Variants in RPS6KC1 observed in about 807,000 individuals in gnomAD.
The protein encoded by RPS6KC1 is inactive ribosomal protein S6 kinase delta-1.
Under a neutral mutation model 103.8 loss-of-function variants are expected in RPS6KC1, and 54 were observed. The observed-to-expected ratio is 0.52, with a 90% confidence interval of 0.42 to 0.65. RPS6KC1 has a LOEUF of 0.65. Among genes scored for constraint, RPS6KC1 ranks in the 30% least tolerant of loss-of-function variants. The pLI, the probability that RPS6KC1 is intolerant of heterozygous loss-of-function variation, is 0.00. For missense variants in RPS6KC1, 1,151 were observed against 1,253.8 expected (o/e 0.92, Z 1.24); for synonymous variants, 439 against 438.7 (o/e 1.00, Z -0.01).
At chr1:213,237,150 C>T (rs557299354) in intron 10 of RPS6KC1, among the ~76,000 whole-genome samples, 1 of 152,108 alleles carries the variant, frequency 6.6e-6, no homozygotes, top group South Asian at 2.1e-4. Context: ...GTACCTTGGA[C>T]GCCTTTAGTA....
rs1471478444 is a variant in RPS6KC1 at position 213,129,651 on chromosome 1, G to C, written c.597G>C (p.Ser199=). 3.1e-6 allele frequency: 5 copies of C among 1,613,824 alleles called. No individual in the cohort carries two copies. In the African/African-American group the frequency reaches 4.0e-5, roughly 13 times the overall value. ...GAACTTTTGGTCTCAATCTTTCTTC[G>C]GATTCTTCAGCACTAGGGGCTGTTG... ...PIRTFGLNLS[S]DSSALGAVAS... is the part of the protein sequence containing the mutation. Residue 199 remains serine (S), a synonymous_variant, in exon 6 of 15, where the codon TCG becomes TCC. Transcript: ENST00000366960.
intron 8 of RPS6KC1, among the ~76,000 whole-genome samples, chr1:213,220,887 A>C (rs2148778096): frequency 6.6e-6 from 1 of 152,302 alleles, no homozygotes; most frequent in Middle Eastern, 3.4e-3. Flanking sequence ...TTTTATATGA[A>C]GTATTATGGT....
chr1:213,305,156 C>G, the RPS6KC1 span, among the ~76,000 whole-genome samples: 2 of 152,138 alleles, frequency 1.3e-5, no homozygotes, highest in Non-Finnish European at 2.9e-5. Context: ...GCCATCTCAG[C>G]TCACTGCAAT....
At chr1:213,157,120 A>G (rs1224612516) in intron 6 of RPS6KC1, among the ~76,000 whole-genome samples, 1 of 152,184 alleles carries the variant, frequency 6.6e-6, no homozygotes, top group East Asian at 1.9e-4. Context: ...TCAGCTTGAA[A>G]TAATTTCCAG....
chr1:213,113,115 C>T (rs2083200257), intron 4 of RPS6KC1, among the ~76,000 whole-genome samples: 2 of 152,142 alleles, frequency 1.3e-5, no homozygotes, highest in South Asian at 4.1e-4. Flanking sequence ...ATTTCTAGTT[C>T]TAGATCCCTG....
At chr1:213,819,009 A>G in the RPS6KC1 span, 1 of 152,210 alleles carries the variant, frequency 6.6e-6, no homozygotes, top group Non-Finnish European at 1.5e-5. Context: ...GGCCCCAGGG[A>G]AACCCATGAT....
chr1:213,554,956 T>C, the RPS6KC1 span, among the ~76,000 whole-genome samples: 5 of 152,186 alleles, frequency 3.3e-5, no homozygotes, highest in Non-Finnish European at 5.9e-5. Context: ...TATAGAAGAA[T>C]CCTGACAAAT....
At chr1:213,375,004 C>T in the RPS6KC1 span, among the ~76,000 whole-genome samples, 2 of 151,990 alleles carry the variant, frequency 1.3e-5, no homozygotes, top group Admixed American at 6.6e-5. Flanking sequence ...TACACACATA[C>T]ATACACACAC....
chr1:213,401,906 C>T, the RPS6KC1 span, among the ~76,000 whole-genome samples: 1 of 152,056 alleles, frequency 6.6e-6, no homozygotes, highest in South Asian at 2.1e-4. Context: ...CCAACCTCAG[C>T]CTCCCGAGTA....
At chr1:213,057,433 T>TA (rs2077426521) in intron 1 of RPS6KC1, among the ~76,000 whole-genome samples, 1 of 152,192 alleles carries the variant, frequency 6.6e-6, no homozygotes, top group African/African-American at 2.4e-5. Context: ...TTCATTTATC[T>TA]ACCACCATAA....
At chr1:213,535,514 T>C in the RPS6KC1 span, among the ~76,000 whole-genome samples, 1 of 152,222 alleles carries the variant, frequency 6.6e-6, no homozygotes, top group Admixed American at 6.5e-5. Flanking sequence ...CCTCTGTGGC[T>C]TGTCCTCAGT....
the RPS6KC1 span, among the ~76,000 whole-genome samples, chr1:213,459,551 T>C: frequency 6.6e-6 from 1 of 152,110 alleles, no homozygotes; most frequent in Admixed American, 6.5e-5. Flanking sequence ...CCTGGATTGA[T>C]TGATTTTTTG....
the RPS6KC1 span, among the ~76,000 whole-genome samples, chr1:213,527,588 G>T: frequency 2.0e-5 from 3 of 152,306 alleles, no homozygotes; most frequent in Non-Finnish European, 4.4e-5. Context: ...GTGCTCCAAA[G>T]AAACTGAACA....
At chr1:213,800,585 G>A in the RPS6KC1 span, among the ~76,000 whole-genome samples, 1 of 152,102 alleles carries the variant, frequency 6.6e-6, no homozygotes, top group African/African-American at 2.4e-5. Flanking sequence ...TCACTGTGCT[G>A]TCCCATACGT....
chr1:213,078,430 CT>C (rs2079550811), intron 3 of RPS6KC1, among the ~76,000 whole-genome samples: 1 of 152,032 alleles, frequency 6.6e-6, no homozygotes, highest in Non-Finnish European at 1.5e-5. Context: ...GAAATGGAGT[CT>C]CATTCTGTCA....
the RPS6KC1 span, among the ~76,000 whole-genome samples, chr1:213,412,527 G>A: frequency 1.4e-3 from 213 of 152,356 alleles, no homozygotes; most frequent in African/African-American, 4.7e-3. Flanking sequence ...CACACATTTT[G>A]TAGCGGTCCC....
At chr1:213,528,796 T>G in the RPS6KC1 span, among the ~76,000 whole-genome samples, 2 of 152,186 alleles carry the variant, frequency 1.3e-5, no homozygotes, top group African/African-American at 2.4e-5. Flanking sequence ...GCCTCATGAT[T>G]GAGAAGCCAG....
chr1:213,363,455 T>C, the RPS6KC1 span, among the ~76,000 whole-genome samples: 1 of 152,282 alleles, frequency 6.6e-6, no homozygotes, highest in East Asian at 1.9e-4. Flanking sequence ...CTGCCATCAT[T>C]AGGGAAGACC....
intron 8 of RPS6KC1, among the ~76,000 whole-genome samples, chr1:213,227,714 T>G (rs2093991991): frequency 6.6e-6 from 1 of 152,198 alleles, no homozygotes; most frequent in Non-Finnish European, 1.5e-5. Context: ...GAAGCCTCTC[T>G]CCAGTTCTTG....
Sources: allele counts gnomAD v4.1 joint callset (sites outside exome capture counted in the v4.1 genomes callset), GRCh38; gene constraint gnomAD v4.1.1; transcripts MANE v1.5; gene names NCBI Gene and HGNC (gene_info 2026-07-23, HGNC 2026-07-21).